Variants in SORCS1 observed in about 807,000 individuals in gnomAD.
SORCS1 encodes the protein VPS10 domain-containing receptor SorCS1.
Under a neutral mutation model 146.1 loss-of-function variants are expected in SORCS1, and 60 were observed. The ratio of observed to expected loss-of-function variants is 0.41; its 90% CI spans 0.33 to 0.51. SORCS1 has a LOEUF of 0.51. Among genes scored for constraint, SORCS1 ranks in the 20% least tolerant of loss-of-function variants. SORCS1 has a pLI of 0.21. For synonymous variants in SORCS1, 637 were observed against 584.0 expected (o/e 1.09, Z -1.31); for missense variants, 1,352 against 1,487.6 (o/e 0.91, Z 1.50).
intron 17 of SORCS1, among the ~76,000 whole-genome samples, chr10:106,666,308 T>C (rs963978903): frequency 6.6e-6 from 1 of 152,218 alleles, no homozygotes; most frequent in Non-Finnish European, 1.5e-5. Context: ...GGCATTCATA[T>C]TGGAACACTG....
chr10:106,777,329 T>C (rs1860520547), intron 3 of SORCS1, among the ~76,000 whole-genome samples: 1 of 152,204 alleles, frequency 6.6e-6, no homozygotes, highest in African/African-American at 2.4e-5. Flanking sequence ...ATATAACCTC[T>C]ACTAAAAAAT....
At chr10:106,652,904 T>C (rs1716899765) in intron 17 of SORCS1, among the ~76,000 whole-genome samples, 1 of 152,176 alleles carries the variant, frequency 6.6e-6, no homozygotes, top group Non-Finnish European at 1.5e-5. Context: ...ATCTAGGAGA[T>C]AATTCAAAGG....
chr10:106,991,733 A>C (rs1181221231), intron 1 of SORCS1, among the ~76,000 whole-genome samples: 1 of 152,160 alleles, frequency 6.6e-6, no homozygotes, highest in African/African-American at 2.4e-5. Context: ...TAGAAGGGGG[A>C]AAGGGAAAAG....
intron 24 of SORCS1, among the ~76,000 whole-genome samples, chr10:106,590,420 C>A (rs1382225718): frequency 6.6e-6 from 1 of 152,090 alleles, no homozygotes; most frequent in Non-Finnish European, 1.5e-5. Context: ...CAAAGTAAGG[C>A]ATAGAGTCAT....
chr10:106,987,068 T>C (rs1440539059), intron 1 of SORCS1, among the ~76,000 whole-genome samples: 1 of 152,220 alleles, frequency 6.6e-6, no homozygotes, highest in Non-Finnish European at 1.5e-5. Context: ...TGCAGGGAAC[T>C]GGATCTTTTC....
At chr10:106,789,392 C>T (rs1039369347) in intron 3 of SORCS1, among the ~76,000 whole-genome samples, 2 of 152,198 alleles carry the variant, frequency 1.3e-5, no homozygotes, top group Non-Finnish European at 2.9e-5. Flanking sequence ...TGTCAGACTG[C>T]AAATTTTTCA....
At chr10:107,168,898 G>A (rs977586796), upstream of SORCS1, among the ~76,000 whole-genome samples, 6 of 152,018 alleles carry the variant, frequency 3.9e-5, no homozygotes, top group Non-Finnish European at 8.8e-5. Flanking sequence ...TATGTGTCAG[G>A]CACTCTAATT....
At chr10:107,143,469 A>G (rs1295137199) in intron 1 of SORCS1, among the ~76,000 whole-genome samples, 1 of 152,104 alleles carries the variant, frequency 6.6e-6, no homozygotes, top group African/African-American at 2.4e-5. Context: ...CTGGGACTAC[A>G]GACGCACACC....
intron 24 of SORCS1, among the ~76,000 whole-genome samples, chr10:106,587,765 T>TTC (rs1345092604): frequency 1.1e-4 from 16 of 152,368 alleles, no homozygotes; most frequent in East Asian, 3.9e-4. Context: ...AAGGACAGTT[T>TTC]TCCTGAACCG....
At chr10:107,160,325 C>A (rs1427531536) in intron 1 of SORCS1, among the ~76,000 whole-genome samples, 1 of 152,182 alleles carries the variant, frequency 6.6e-6, no homozygotes, top group Non-Finnish European at 1.5e-5. Context: ...TGCCACTGAC[C>A]TCCTGTGTCT....
rs1181012824 is a variant in SORCS1, at chr10:106,776,802, G to C, written c.727-110C>G. On this transcript the variant is annotated intron_variant, in intron 3 of 25. Transcript: ENST00000263054. ...CAAGGGAAGGACAGGGGCAGGCAAA[G>C]AATGCTTGGCCAAACAGGGACCTTG... 15 of 1,184,494 alleles carry C rather than the reference G, an allele frequency of 1.3e-5. 1 individual carries two copies. The East Asian group carries it at 3.8e-4, about 30-fold the overall frequency. The allele number at this position is 1,184,494 out of a possible 1,614,324, so 73.4% of individuals were successfully genotyped here.
rs1014732403 is a variant in SORCS1 at position 106,795,281 on chromosome 10, G to GT, written c.727-18590dup. On this transcript the variant is annotated intron_variant, in intron 3 of 25. Transcript: ENST00000263054. ...ATGTATTCAAAGATATAATCTAGTTGTTTTTTTTTGTTTGTTTTTTGTTTT... is the reference window on the plus strand; with the variant it reads ...ATGTATTCAAAGATATAATCTAGTTGTTTTTTTTTTGTTTGTTTTTTGTTTT... Among the ~76,000 whole-genome samples, 134 of 150,926 alleles carry GT rather than the reference G, an allele frequency of 8.9e-4. 1 individual carries two copies. The highest frequency in any genetic ancestry group is 6.9e-3 in the South Asian group (33 of 4,780).
intron 11 of SORCS1, 145 bp from the exon 12 acceptor site, chr10:106,679,477 A>C: frequency 1.1e-6 from 1 of 939,896 alleles, no homozygotes; most frequent in Non-Finnish European, 1.6e-6. Flanking sequence ...CTTCAGGTCC[A>C]ATGGTTTAGG....
At chr10:107,084,582 A>G (rs916467704) in intron 1 of SORCS1, among the ~76,000 whole-genome samples, 1 of 152,118 alleles carries the variant, frequency 6.6e-6, no homozygotes, top group Non-Finnish European at 1.5e-5. Flanking sequence ...AAAAAATAGA[A>G]CATGAAAAAA....
At chr10:106,767,768 G>C (rs1000386001) in intron 4 of SORCS1, among the ~76,000 whole-genome samples, 2 of 152,112 alleles carry the variant, frequency 1.3e-5, no homozygotes, top group African/African-American at 4.8e-5. Flanking sequence ...TGAGATTACA[G>C]GCATGAGCCA....
intron 2 of SORCS1, among the ~76,000 whole-genome samples, chr10:106,926,864 CACAGAG>C (rs1157818803): frequency 0.018 from 1,288 of 70,630 alleles, 21 homozygotes; most frequent in African/African-American, 0.096. Flanking sequence ...CACACACACA[CACAGAG>C]AGAGAGAGAG....
At chr10:106,744,135 C>A (rs987283261) in intron 5 of SORCS1, among the ~76,000 whole-genome samples, 2 of 152,048 alleles carry the variant, frequency 1.3e-5, no homozygotes, top group African/African-American at 4.8e-5. Context: ...CATAGAGTCT[C>A]GCTCTGTCAC....
chr10:106,893,451 C>G (rs1288682631), intron 2 of SORCS1, among the ~76,000 whole-genome samples: 1 of 152,062 alleles, frequency 6.6e-6, no homozygotes, highest in Non-Finnish European at 1.5e-5. Flanking sequence ...CTATGTACTT[C>G]TCATAATTCA....
At chr10:107,020,736 T>A (rs1012164725) in intron 1 of SORCS1, among the ~76,000 whole-genome samples, 4 of 152,198 alleles carry the variant, frequency 2.6e-5, no homozygotes, top group Admixed American at 1.3e-4. Flanking sequence ...TTTTGGAGGC[T>A]ATGAAAAATT....
Sources: gnomAD v4.1 joint callset for allele counts (sites outside exome capture counted in the v4.1 genomes callset) on GRCh38, gnomAD v4.1.1 for gene constraint, MANE v1.5 for transcripts, NCBI Gene and HGNC (gene_info 2026-07-23, HGNC 2026-07-21) for gene names.